Variants in CC2D1A observed in about 807,000 individuals in gnomAD.
The protein encoded by CC2D1A is coiled-coil and C2 domain containing 1A, also known as coiled-coil and C2 domain-containing protein 1A.
CC2D1A carries 68 observed loss-of-function variants against 123.8 expected under a neutral mutation model. The observed-to-expected ratio is 0.55, with a 90% CI of 0.45 to 0.67. The LOEUF (loss-of-function observed/expected upper bound fraction) is 0.67, where lower values mean the gene tolerates loss of function less well. Among genes scored for constraint, CC2D1A ranks in the 30% least tolerant of loss-of-function variants. CC2D1A has a pLI of 0.00. For synonymous variants in CC2D1A, 477 were observed against 528.0 expected, an observed-to-expected ratio of 0.90 and a Z score of 1.32; for missense variants, 1,185 against 1,290.3, an observed-to-expected ratio of 0.92 and a Z score of 1.25.
chr19:13,923,661 G>A lies in CC2D1A; in HGVS notation c.1824-34G>A, dbSNP rs1215248045. 3.7e-6 allele frequency: 6 copies of A among 1,613,288 alleles called. No homozygotes were observed. Among genetic ancestry groups the A allele is most frequent in the African/African-American group, 2.7e-5 (2 of 74,928 alleles). ...GCACCCCCAGCCACCCATCCCCAGG[G>A]CCAGGGACATGAGCAGGGCCCTCCC... On this transcript the variant is annotated intron_variant, in intron 16 of 28. Transcript: ENST00000318003. This position sits in a 1 kb window ranked among gnomAD's most constrained non-coding sequence, Gnocchi z 5.3.
intron 24 of CC2D1A, 88 bp downstream of exon 24, chr19:13,928,276 G>T: frequency 8.7e-7 from 1 of 1,154,070 alleles, no homozygotes; most frequent in South Asian, 1.4e-5. Context: ...GCACAAATTG[G>T]ACCACGTCCC....
chr19:13,916,205 C>T (rs1971199305), intron 6 of CC2D1A, among the ~76,000 whole-genome samples: 1 of 151,980 alleles, frequency 6.6e-6, no homozygotes, highest in Admixed American at 6.6e-5. Context: ...TGCAGTGAGC[C>T]ACGATCACAC....
chr19:13,909,407 T>A (rs1970912476), intron 1 of CC2D1A, among the ~76,000 whole-genome samples: 1 of 151,830 alleles, frequency 6.6e-6, no homozygotes, highest in African/African-American at 2.4e-5. Flanking sequence ...AACTTTTTTT[T>A]TTTTTGTAGA....
intron 6 of CC2D1A, among the ~76,000 whole-genome samples, chr19:13,916,796 A>G (rs1971224116): frequency 6.6e-6 from 1 of 152,210 alleles, no homozygotes; most frequent in Non-Finnish European, 1.5e-5. Flanking sequence ...TTAGTCTGAA[A>G]AAAAGATACT....
chr19:13,923,212 A>G lies in CC2D1A; in HGVS notation c.1642-121A>G. On this transcript the variant is annotated intron_variant, in intron 14 of 28. Coordinates refer to ENST00000318003, the MANE Select transcript of CC2D1A (RefSeq NM_017721.5). The surrounding 1 kb of genome is among the most constrained non-coding windows in gnomAD (Gnocchi z 5.3). ...CATCTCAAAAAAAAAAAAAGACCAG[A>G]GAAGGGTGACAGAGCCGTGGTCAGG... 2 of 1,228,632 alleles carry G rather than the reference A, an allele frequency of 1.6e-6. No individual in the cohort carries two copies. The highest frequency in any genetic ancestry group is 1.5e-5 in the South Asian group (1 of 67,972). The allele number at this position is 1,228,632 out of a possible 1,614,324, so 76.1% of individuals were successfully genotyped here.
rs554014026 is a variant in CC2D1A, at chr19:13,928,747, C to T, written c.2519+559C>T. ...TTTTTGAGACAGAGTCTAGCTCTGT[C>T]GCCCAGGCTAGAGTGCAATGGCGCG... On this transcript the variant is annotated intron_variant, in intron 24 of 28. Coordinates refer to ENST00000318003, the MANE Select transcript of CC2D1A (RefSeq NM_017721.5). 5.0e-5 allele frequency among the ~76,000 whole-genome samples: 7 copies of T among 139,446 alleles called. No individual in the cohort carries two copies. The East Asian group carries it at 1.1e-3, about 21-fold the overall frequency. The allele number at this position is 139,446 out of a possible 152,430, so 91.5% of individuals were successfully genotyped here.
At position 13,920,568 on chromosome 19, in the gene CC2D1A, TGTGGCCCCCACAGCCCA is replaced by T. The variant is rs1227247883; in HGVS notation, c.1370_1386del (p.Val457AlafsTer116). ...CTCTTCCTCTACAGCAGAACAGCCC[TGTGGCCCCCACAGCCCA>T]GCCCAAAGCCCCACCCTCAAGAACT... On this transcript the variant is annotated frameshift_variant, in exon 13 of 29. Transcript: ENST00000318003. LOFTEE classifies it high-confidence loss of function. 6.3e-7 allele frequency: 1 copy of T among 1,595,006 alleles called. No homozygotes were observed. Among genetic ancestry groups the T allele is most frequent in the Non-Finnish European group, 8.6e-7 (1 of 1,165,272 alleles).
At position 13,918,763 on chromosome 19, in the gene CC2D1A, C is replaced by A. The variant is rs1971296839; in HGVS notation, c.964C>A (p.Pro322Thr). 3.1e-6 allele frequency: 5 copies of A among 1,612,726 alleles called. No individual in the cohort carries two copies. Among genetic ancestry groups the A allele is most frequent in the African/African-American group, 1.3e-5 (1 of 75,024 alleles). Residue 322 changes from proline to threonine, a missense_variant, in exon 9 of 29, where the codon CCA (proline) becomes ACA (threonine). Physicochemically the swap from Pro to Thr is conservative, Grantham distance 38. Coordinates refer to ENST00000318003, the MANE Select transcript of CC2D1A (RefSeq NM_017721.5). ...GTCCCCAGACCAGCTGCCCCCAGAC[C>A]CACCGTCACCACCGTCGCAGCCTCC... is the stretch of plus-strand genomic sequence containing the variant. ...PPPPDQLPPD[P>T]PSPPSQPPTP...
At chr19:13,918,221 G>T in intron 7 of CC2D1A, 27 bp downstream of exon 7, 1 of 1,526,034 alleles carries the variant, frequency 6.6e-7, no homozygotes, top group Non-Finnish European at 8.8e-7. Flanking sequence ...GGACAGGACT[G>T]GAGGGATGGG....
Position 13,927,184 on chromosome 19 carries a change from C to A in CC2D1A, c.2235C>A (p.Phe745Leu). The A allele has an allele frequency of 6.2e-7, 1 of 1,614,024 alleles. No individual in the cohort carries two copies. The highest frequency in any genetic ancestry group is 8.5e-7 in the Non-Finnish European group (1 of 1,179,966). Residue 745 changes from phenylalanine (F) to leucine (L), a missense_variant, in exon 22 of 29, where the codon TTC (phenylalanine) becomes TTA (leucine). Coordinates refer to ENST00000318003, the MANE Select transcript of CC2D1A (RefSeq NM_017721.5). ...KFEVVHKGGL[F>L]KTDRVLGTAQ... ...ACACACATGCACACAGGGGGCTGTTCAAGACTGACCGGGTGCTGGGGACAG... is the reference window on the plus strand; with the variant it reads ...ACACACATGCACACAGGGGGCTGTTAAAGACTGACCGGGTGCTGGGGACAG...
chr19:13,923,740 G>A lies in CC2D1A; in HGVS notation c.1869G>A (p.Leu623=), dbSNP rs941888866. ...AEDCKRSMDI[L]KQAFVRGLPT... The stretch of plus-strand genomic sequence containing the variant: ...ACTGTAAGCGGAGCATGGACATTCT[G>A]AAGCAAGCCTTCGTCCGGGGTCTCC... The change falls in exon 17 of 29, where the codon CTG becomes CTA. Residue 623 remains leucine (L), a synonymous_variant. Coordinates refer to ENST00000318003, the MANE Select transcript of CC2D1A (RefSeq NM_017721.5). This position sits in a 1 kb window ranked among gnomAD's most constrained non-coding sequence, Gnocchi z 5.3. The A allele has an allele frequency of 1.2e-6, 2 of 1,614,074 alleles. No homozygotes were observed. Among genetic ancestry groups the A allele is most frequent in the African/African-American group, 2.7e-5 (2 of 74,942 alleles).
In CC2D1A at chr19:13,906,260, C is replaced by A. The variant is rs1356527436; in HGVS notation, c.-182C>A. ...GGCCGCGCTCCGGTGCGGCGGCGCC[C>A]GAGGCCCGAGGCGGAAGTGGGACGG... On this transcript the variant is annotated 5_prime_UTR_variant, in exon 1 of 29. Coordinates refer to ENST00000318003, the MANE Select transcript of CC2D1A (RefSeq NM_017721.5). This position sits in a 1 kb window ranked among gnomAD's most constrained non-coding sequence, Gnocchi z 4.1. 3 of 472,262 alleles carry A rather than the reference C, an allele frequency of 6.4e-6. No homozygotes were observed. The highest frequency in any genetic ancestry group is 4.4e-5 in the Admixed American group (1 of 22,644). The allele number at this position is 472,262 out of a possible 1,614,324, so 29.3% of individuals were successfully genotyped here.
At chr19:13,926,095 T>C (rs1255111062) in intron 17 of CC2D1A, among the ~76,000 whole-genome samples, 1 of 143,180 alleles carries the variant, frequency 7.0e-6, no homozygotes, top group Non-Finnish European at 1.5e-5. Flanking sequence ...CACATATATA[T>C]TAAGTGAAAA....
chr19:13,921,838 G>A (rs984890802), intron 14 of CC2D1A, among the ~76,000 whole-genome samples: 3 of 152,184 alleles, frequency 2.0e-5, no homozygotes, highest in Non-Finnish European at 4.4e-5. Context: ...CCAGGAGCTC[G>A]AAACTAGCCT....
Position 13,923,061 on chromosome 19 carries a change from C to T in CC2D1A, c.1642-272C>T, listed in dbSNP as rs1030122691. Reference sequence around the variant, plus strand: ...TACAAAAATTAGCCAGGTGTGGTGGCAGGCGCCTGTAATTCCAGCTACTCA... The same window carrying T: ...TACAAAAATTAGCCAGGTGTGGTGGTAGGCGCCTGTAATTCCAGCTACTCA... On this transcript the variant is annotated intron_variant, in intron 14 of 28. Coordinates refer to ENST00000318003, the MANE Select transcript of CC2D1A (RefSeq NM_017721.5). The surrounding 1 kb of genome is among the most constrained non-coding windows in gnomAD (Gnocchi z 5.3). 1.2e-4 allele frequency among the ~76,000 whole-genome samples: 19 copies of T among 152,058 alleles called. No individual in the cohort carries two copies. The highest frequency in any genetic ancestry group is 1.1e-3 in the Admixed American group (16 of 15,230).
At chr19:13,911,466 AG>A (rs1444895208) in intron 2 of CC2D1A, among the ~76,000 whole-genome samples, 1 of 151,748 alleles carries the variant, frequency 6.6e-6, no homozygotes, top group Non-Finnish European at 1.5e-5. Context: ...AGGCTCAGAG[AG>A]GTGACATCAC....
rs750108401 is a variant in CC2D1A at position 13,913,169 on chromosome 19, C to T, written c.380C>T (p.Pro127Leu). ...CACTGTGCCCCTGCCCTCCCACAGC[C>T]GAAGCCTGAGGCCCCTCATCCGGGG... ...ASETPPPVAQ[P>L]KPEAPHPGLE... The change falls in exon 5 of 29, where the codon CCG becomes CTG. Residue 127 changes from proline (P) to leucine (L), a missense_variant and splice_region_variant. Pro to Leu is a moderately conservative substitution (Grantham distance 98). Transcript: ENST00000318003. 2.9e-5 allele frequency: 46 copies of T among 1,606,198 alleles called. No individual in the cohort carries two copies. Among genetic ancestry groups the T allele is most frequent in the South Asian group, 2.8e-4 (25 of 90,082 alleles).
At chr19:13,927,506 TG>T in intron 22 of CC2D1A, 1 of 532,976 alleles carries the variant, frequency 1.9e-6, no homozygotes. Flanking sequence ...TGGCCAGGCA[TG>T]GTGGCTCATG....
At position 13,912,596 on chromosome 19, in the gene CC2D1A, A is replaced by G. The variant is rs563157545; in HGVS notation, c.378+3A>G. 6.2e-7 allele frequency: 1 copy of G among 1,613,868 alleles called. No homozygotes were observed. The highest frequency in any genetic ancestry group is 1.3e-5 in the African/African-American group (1 of 75,038). ...AGACCCCACCTCCTGTGGCCCAGGTACAGTTTGGATGACTCCACTCCCTTG... is the reference window on the plus strand; with the variant it reads ...AGACCCCACCTCCTGTGGCCCAGGTGCAGTTTGGATGACTCCACTCCCTTG... On this transcript the variant is annotated splice_donor_region_variant and intron_variant, in intron 4 of 28. Transcript: ENST00000318003.
Sources: allele counts gnomAD v4.1 joint callset (sites outside exome capture counted in the v4.1 genomes callset), GRCh38; gene constraint gnomAD v4.1.1; non-coding constraint Gnocchi (gnomAD v3.1); transcripts MANE v1.5; gene names NCBI Gene and HGNC (gene_info 2026-07-23, HGNC 2026-07-21).